The following CNTNAP2 variants were observed in gnomAD, a reference collection of about 807,000 sequenced individuals.
CNTNAP2 encodes contactin-associated protein-like 2.
A neutral mutation model predicts 155.2 loss-of-function variants in CNTNAP2; 98 were observed. That is an observed-to-expected ratio of 0.63 (90% CI 0.54 to 0.75). CNTNAP2 has a LOEUF of 0.75. Ranked by LOEUF, CNTNAP2 falls within the 30% of genes least tolerant of loss-of-function variation. The pLI, the probability that CNTNAP2 is intolerant of heterozygous loss-of-function variation, is 0.00. For missense variants in CNTNAP2, 1,727 were observed against 1,688.1 expected, an observed-to-expected ratio of 1.02 and a Z score of -0.40; for synonymous variants, 651 against 631.2, an observed-to-expected ratio of 1.03 and a Z score of -0.47.
At chr7:148,301,799 T>C (rs894771332) in intron 21 of CNTNAP2, among the ~76,000 whole-genome samples, 2 of 152,156 alleles carry the variant, frequency 1.3e-5, no homozygotes, top group Non-Finnish European at 2.9e-5. Flanking sequence ...AAGATGAGCC[T>C]GTTGGTGGTA....
intron 8 of CNTNAP2, among the ~76,000 whole-genome samples, chr7:147,226,970 C>T (rs1803560908): frequency 1.3e-5 from 2 of 152,060 alleles, no homozygotes; most frequent in South Asian, 2.1e-4. Flanking sequence ...AAGATACAGA[C>T]AATTAATTGA....
chr7:147,328,904 C>G (rs908531053), intron 9 of CNTNAP2, among the ~76,000 whole-genome samples: 1 of 152,106 alleles, frequency 6.6e-6, no homozygotes, highest in Admixed American at 6.6e-5. Flanking sequence ...TGTAGTTGAA[C>G]CTTAAAACTC....
chr7:147,261,379 C>T (rs909729330), intron 8 of CNTNAP2, among the ~76,000 whole-genome samples: 1 of 152,166 alleles, frequency 6.6e-6, no homozygotes, highest in Non-Finnish European at 1.5e-5. Context: ...TCTGAAAACA[C>T]ACCCTCTACC....
intron 11 of CNTNAP2, among the ~76,000 whole-genome samples, chr7:147,560,168 C>CAAAAAAAAAAAAAAAAAA (rs71183016): frequency 0.012 from 650 of 52,724 alleles, 78 homozygotes; most frequent in East Asian, 0.061. Flanking sequence ...AACTCCGTCT[C>CAAAAAAAAAAAAAAAAAA]AAAAAAAAAA....
intron 2 of CNTNAP2, among the ~76,000 whole-genome samples, chr7:146,806,905 G>A (rs1802977619): frequency 6.6e-6 from 1 of 152,094 alleles, no homozygotes; most frequent in East Asian, 1.9e-4. Context: ...TGTAAAAGTG[G>A]TATAATACTA....
chr7:147,551,166 C>T (rs551501227), intron 11 of CNTNAP2, among the ~76,000 whole-genome samples: 1 of 152,182 alleles, frequency 6.6e-6, no homozygotes, highest in East Asian at 1.9e-4. Context: ...CCTGTTAGCT[C>T]AGGTATATCA....
intron 15 of CNTNAP2, among the ~76,000 whole-genome samples, chr7:148,027,494 G>C (rs184036399): frequency 1.3e-5 from 2 of 152,170 alleles, no homozygotes; most frequent in African/African-American, 4.8e-5. Flanking sequence ...TGGGTTCATG[G>C]AATGTTACAA....
At chr7:147,577,420 G>A (rs556194600) in intron 12 of CNTNAP2, among the ~76,000 whole-genome samples, 2 of 152,102 alleles carry the variant, frequency 1.3e-5, no homozygotes, top group South Asian at 4.1e-4. Flanking sequence ...GCATTTCAAA[G>A]AGAATAACAA....
At chr7:146,754,290 G>A (rs1056525530) in intron 1 of CNTNAP2, among the ~76,000 whole-genome samples, 1 of 151,942 alleles carries the variant, frequency 6.6e-6, no homozygotes, top group African/African-American at 2.4e-5. Context: ...CAAATTGATA[G>A]GTAGCATGTA....
chr7:148,412,602 A>G (rs1312750616), intron 23 of CNTNAP2, among the ~76,000 whole-genome samples: 1 of 152,156 alleles, frequency 6.6e-6, no homozygotes, highest in African/African-American at 2.4e-5. Context: ...CTTTTTTTGT[A>G]TATTCCTCAG....
intron 1 of CNTNAP2, among the ~76,000 whole-genome samples, chr7:146,598,686 T>A (rs951466811): frequency 6.6e-6 from 1 of 152,058 alleles, no homozygotes; most frequent in Non-Finnish European, 1.5e-5. Flanking sequence ...TGGAACTTCT[T>A]TTCCTCTAAA....
intron 3 of CNTNAP2, among the ~76,000 whole-genome samples, chr7:146,967,877 T>A (rs529785921): frequency 7.2e-5 from 11 of 152,152 alleles, no homozygotes; most frequent in African/African-American, 2.6e-4. Flanking sequence ...AGGGCATCCC[T>A]GTCTTGTGCC....
In CNTNAP2 at chr7:148,172,478, G is replaced by A. The variant is rs748508785; in HGVS notation, c.3010G>A (p.Asp1004Asn). 1.2e-6 allele frequency: 2 copies of A among 1,613,800 alleles called. No homozygotes were observed. Among genetic ancestry groups the A allele is most frequent in the East Asian group, 2.2e-5 (1 of 44,878 alleles). Reference protein sequence around the residue: ...TAYDGTFCNKDVGAFFEEGMW... With the variant: ...TAYDGTFCNKNVGAFFEEGMW... The stretch of plus-strand genomic sequence containing the variant: ...ATATGATGGAACATTTTGCAACAAA[G>A]GTAAGGTGGAACCCATTTCCAGAGC... Residue 1004 changes from aspartate (D) to asparagine (N), a missense_variant and splice_region_variant, in exon 18 of 24, where the codon GAT (aspartate) becomes AAT (asparagine). Transcript: ENST00000361727.
chr7:146,948,430 T>G (rs1797236716), intron 3 of CNTNAP2, among the ~76,000 whole-genome samples: 1 of 152,220 alleles, frequency 6.6e-6, no homozygotes, highest in African/African-American at 2.4e-5. Flanking sequence ...TGCTTATCTT[T>G]ATTTGTTGTG....
intron 1 of CNTNAP2, among the ~76,000 whole-genome samples, chr7:146,719,049 T>C (rs926589824): frequency 1.3e-5 from 2 of 152,170 alleles, no homozygotes; most frequent in African/African-American, 4.8e-5. Flanking sequence ...GTAAGGAAGA[T>C]TTCTCTTACA....
rs573824838 is a variant in CNTNAP2 at position 147,724,313 on chromosome 7, T to C, written c.2098+85007T>C. On this transcript the variant is annotated intron_variant, in intron 13 of 23. Transcript: ENST00000361727. ...CTTCTCCAAGGTTTCCATAGAGTCC[T>C]AGAGGAATTATTAGAATCCTGAGCC... is the stretch of plus-strand genomic sequence containing the variant. Among the ~76,000 whole-genome samples the C allele has an allele frequency of 2.6e-5, 4 of 152,130 alleles. No homozygotes were observed. The South Asian group carries it at 8.3e-4, about 32-fold the overall frequency.
rs554988464 is a variant in CNTNAP2 at position 147,871,051 on chromosome 7, C to T, written c.2099-32514C>T. Among the ~76,000 whole-genome samples, 1,483 of 152,222 alleles carry T rather than the reference C, an allele frequency of 9.7e-3. 31 individuals carry two copies. The highest frequency in any genetic ancestry group is 0.034 in the African/African-American group (1,400 of 41,536). On this transcript the variant is annotated intron_variant, in intron 13 of 23. Coordinates refer to ENST00000361727, the MANE Select transcript of CNTNAP2 (RefSeq NM_014141.6). ...GGTGTTTGGAGTAATTATGGCCCCT[C>T]GGTCACCCATGAACTCAGACCAACC...
chr7:147,269,105 C>T (rs989969366), intron 8 of CNTNAP2, among the ~76,000 whole-genome samples: 10 of 152,276 alleles, frequency 6.6e-5, no homozygotes, highest in Admixed American at 6.5e-4. Flanking sequence ...GACGAGAACT[C>T]CTAGAACTCA....
intron 5 of CNTNAP2, among the ~76,000 whole-genome samples, chr7:147,114,903 G>A (rs1800954946): frequency 6.6e-6 from 1 of 152,096 alleles, no homozygotes; most frequent in African/African-American, 2.4e-5. Flanking sequence ...GCTTCATAGT[G>A]TCACTGGTCT....
Sources: gnomAD v4.1 joint callset for allele counts (sites outside exome capture counted in the v4.1 genomes callset) on GRCh38, gnomAD v4.1.1 for gene constraint, MANE v1.5 for transcripts, NCBI Gene and HGNC (gene_info 2026-07-23, HGNC 2026-07-21) for gene names.